BTG4: variants seen among roughly 807,000 people sequenced by gnomAD.
BTG4 encodes BTG anti-proliferation factor 4.
A neutral mutation model predicts 19.3 loss-of-function variants in BTG4; 10 were observed. That is an observed-to-expected ratio of 0.52 (90% CI 0.32 to 0.88). BTG4 has a LOEUF of 0.88. Among genes scored for constraint, BTG4 ranks in the 40% least tolerant of loss-of-function variants. The pLI, the probability that BTG4 is intolerant of heterozygous loss-of-function variation, is 0.04. For synonymous variants in BTG4, 91 were observed against 95.7 expected (o/e 0.95, Z 0.29); for missense variants, 238 against 281.9 (o/e 0.84, Z 1.11).
chr11:111,457,572 C>T, the BTG4 span, among the ~76,000 whole-genome samples: 1 of 152,116 alleles, frequency 6.6e-6, no homozygotes. Flanking sequence ...CCCCAACCTT[C>T]CCTCTCCCCT....
chr11:111,495,095 C>G lies in BTG4; in HGVS notation c.*40G>C. 1 of 1,471,194 alleles carries G rather than the reference C, an allele frequency of 6.8e-7. No homozygotes were observed. The highest frequency in any genetic ancestry group is 1.6e-5 in the South Asian group (1 of 62,674). 91.1% of individuals were successfully genotyped at this position (1,471,194 alleles called of 1,614,324 possible). A position where few individuals can be genotyped will look rare whatever the true frequency, so the allele number is the denominator to read the frequency against. ...TTTTATTTTAGAGAGAATAAAGGCA[C>G]TCCTCTGAGCTCTTGCCCACCACGT... On this transcript the variant is annotated 3_prime_UTR_variant, in exon 5 of 5. Coordinates refer to ENST00000692032, the MANE Select transcript of BTG4 (RefSeq NM_001367975.1).
At chr11:111,412,360 C>G in the BTG4 span, among the ~76,000 whole-genome samples, 1 of 147,904 alleles carries the variant, frequency 6.8e-6, no homozygotes, top group African/African-American at 2.5e-5. Flanking sequence ...AGTTTACTAT[C>G]TGTATTTGAT....
At chr11:111,487,557 G>A (rs762718921) in intron 5 of BTG4, among the ~76,000 whole-genome samples, 1 of 152,046 alleles carries the variant, frequency 6.6e-6, no homozygotes, top group Admixed American at 6.5e-5. Flanking sequence ...ACAAGACAAC[G>A]ATGCCCACTT....
At chr11:111,424,879 A>C in the BTG4 span, among the ~76,000 whole-genome samples, 1 of 152,190 alleles carries the variant, frequency 6.6e-6, no homozygotes, top group Non-Finnish European at 1.5e-5. Context: ...GAATCACTGC[A>C]ACCTGGGAGA....
chr11:111,399,949 T>C, the BTG4 span, among the ~76,000 whole-genome samples: 2 of 152,072 alleles, frequency 1.3e-5, no homozygotes, highest in African/African-American at 4.8e-5. Context: ...AAGTATGGCC[T>C]GGATAGAGGC....
At chr11:111,394,526 C>A in the BTG4 span, among the ~76,000 whole-genome samples, 1 of 152,214 alleles carries the variant, frequency 6.6e-6, no homozygotes, top group African/African-American at 2.4e-5. Context: ...GAGACCCCCC[C>A]ACCAGCCACA....
At chr11:111,514,098 TC>T (rs1218020034), upstream of BTG4, 1 of 152,862 alleles carries the variant, frequency 6.5e-6, no homozygotes. Context: ...TTTTCATACT[TC>T]TTTTTTCCAT....
chr11:111,488,737 C>A (rs929880733), intron 5 of BTG4, among the ~76,000 whole-genome samples: 1 of 152,160 alleles, frequency 6.6e-6, no homozygotes, highest in Non-Finnish European at 1.5e-5. Context: ...GAAGCTCAAA[C>A]AACTCAATAG....
At chr11:111,402,270 A>G in the BTG4 span, among the ~76,000 whole-genome samples, 1 of 152,168 alleles carries the variant, frequency 6.6e-6, no homozygotes, top group Non-Finnish European at 1.5e-5. Flanking sequence ...GCCATGTGGA[A>G]CTGTGAGTCA....
At chr11:111,484,694 A>G (rs1459066247) in intron 5 of BTG4, among the ~76,000 whole-genome samples, 4 of 152,288 alleles carry the variant, frequency 2.6e-5, no homozygotes, top group East Asian at 1.9e-4. Context: ...AGAGGGAATC[A>G]CTTTTACACA....
chr11:111,479,274 T>C (rs1358449195), intron 5 of BTG4, among the ~76,000 whole-genome samples: 1 of 152,020 alleles, frequency 6.6e-6, no homozygotes, highest in East Asian at 1.9e-4. Context: ...GAAATATTCT[T>C]TAAGAATGAG....
chr11:111,404,748 T>C, the BTG4 span: 1 of 437,236 alleles, frequency 2.3e-6, no homozygotes, highest in South Asian at 1.6e-5. Context: ...AGGTCATTCA[T>C]GCTAGGAGAC....
chr11:111,495,213 G>C lies in BTG4; in HGVS notation c.612C>G (p.Gly204=). Reference sequence around the variant, plus strand: ...TGTAACACTTAGGATGCTTCTGCGAGCCATGGTAAGTGTTTCCCAGGAGGC... The same window carrying C: ...TGTAACACTTAGGATGCTTCTGCGACCCATGGTAAGTGTTTCCCAGGAGGC... ...RVGLLGNTYH[G]SQKHPKCYRP... is the part of the protein sequence containing the mutation. Residue 204 remains glycine, a synonymous_variant, in exon 5 of 5, where the codon GGC becomes GGG. Transcript: ENST00000692032. 1.2e-6 allele frequency: 2 copies of C among 1,612,512 alleles called. No individual in the cohort carries two copies. Among genetic ancestry groups the C allele is most frequent in the Non-Finnish European group, 1.7e-6 (2 of 1,179,394 alleles).
chr11:111,470,243 C>T (rs1197694527), intron 5 of BTG4, among the ~76,000 whole-genome samples: 9 of 152,098 alleles, frequency 5.9e-5, no homozygotes, highest in African/African-American at 1.9e-4. Flanking sequence ...ACCACCATCC[C>T]GGCAAATTTT....
At chr11:111,388,145 C>A in the BTG4 span, among the ~76,000 whole-genome samples, 1 of 152,164 alleles carries the variant, frequency 6.6e-6, no homozygotes, top group Non-Finnish European at 1.5e-5. Context: ...ATATATTTTT[C>A]TTATAACTGA....
the BTG4 span, among the ~76,000 whole-genome samples, chr11:111,449,047 G>A: frequency 2.0e-5 from 3 of 152,060 alleles, no homozygotes; most frequent in East Asian, 1.9e-4. Context: ...CAACTTGAAC[G>A]TTCTCTGCAA....
chr11:111,503,360 A>G (rs1866220443), intron 1 of BTG4, among the ~76,000 whole-genome samples: 1 of 152,234 alleles, frequency 6.6e-6, no homozygotes, highest in Admixed American at 6.5e-5. Flanking sequence ...AGATGTCAGA[A>G]TTTAGCAGAA....
chr11:111,454,437 A>G, the BTG4 span: 2 of 396,956 alleles, frequency 5.0e-6, no homozygotes, highest in African/African-American at 4.2e-5. Context: ...TCTTCAGGAG[A>G]GTTGGTTATA....
intron 5 of BTG4, among the ~76,000 whole-genome samples, chr11:111,472,710 T>C (rs1440679364): frequency 6.6e-6 from 1 of 152,220 alleles, no homozygotes; most frequent in Non-Finnish European, 1.5e-5. Flanking sequence ...CCTAACACAC[T>C]ACATAATTTA....
Sources: gnomAD v4.1 joint callset for allele counts (sites outside exome capture counted in the v4.1 genomes callset) on GRCh38, gnomAD v4.1.1 for gene constraint, MANE v1.5 for transcripts, NCBI Gene and HGNC (gene_info 2026-07-23, HGNC 2026-07-21) for gene names.